Variants in FAM227A observed in about 807,000 individuals in gnomAD.
The protein encoded by FAM227A is family with sequence similarity 227 member A, also known as protein FAM227A.
In FAM227A, 80 loss-of-function variants were observed where a neutral mutation model predicts 74.7. The observed-to-expected ratio is 1.07, with a 90% confidence interval of 0.89 to 1.29. The LOEUF (loss-of-function observed/expected upper bound fraction) is 1.29. Among genes scored for constraint, FAM227A ranks in the 50% most tolerant of loss-of-function variants. FAM227A has a pLI of 0.00. For missense variants in FAM227A, 654 were observed against 683.4 expected (o/e 0.96, Z 0.48); for synonymous variants, 237 against 241.8 (o/e 0.98, Z 0.19).
intron 11 of FAM227A, among the ~76,000 whole-genome samples, chr22:38,609,686 A>G (rs551356486): frequency 6.6e-6 from 1 of 152,298 alleles, no homozygotes; most frequent in African/African-American, 2.4e-5. Context: ...TCCAACAGCT[A>G]CTGGTTTTTA....
At chr22:38,631,167 C>CA (rs891842387) in intron 6 of FAM227A, among the ~76,000 whole-genome samples, 1 of 151,598 alleles carries the variant, frequency 6.6e-6, no homozygotes, top group African/African-American at 2.4e-5. Flanking sequence ...GTGTCTTACT[C>CA]AAAAAAACAA....
chr22:38,643,752 T>C (rs2092166358), intron 3 of FAM227A, among the ~76,000 whole-genome samples: 1 of 152,150 alleles, frequency 6.6e-6, no homozygotes, highest in Non-Finnish European at 1.5e-5. Context: ...GCAACCAAGA[T>C]GTCCCTGAGT....
intron 15 of FAM227A, among the ~76,000 whole-genome samples, chr22:38,595,628 A>G (rs1297942053): frequency 6.6e-6 from 1 of 152,216 alleles, no homozygotes; most frequent in Non-Finnish European, 1.5e-5. Context: ...TTTATTCCTG[A>G]CTAATTAGAA....
At chr22:38,640,326 T>C (rs2092088562) in intron 3 of FAM227A, among the ~76,000 whole-genome samples, 1 of 151,980 alleles carries the variant, frequency 6.6e-6, no homozygotes, top group African/African-American at 2.4e-5. Flanking sequence ...AGCCACCACG[T>C]CCAGCCTCTT....
intron 11 of FAM227A, among the ~76,000 whole-genome samples, chr22:38,613,219 GTA>G (rs1201802390): frequency 1.7e-4 from 8 of 47,492 alleles, no homozygotes; most frequent in African/African-American, 3.5e-4. Flanking sequence ...TATCTATGCT[GTA>G]TATATATTAT....
At chr22:38,645,964 T>C (rs2092228441) in intron 2 of FAM227A, among the ~76,000 whole-genome samples, 2 of 152,006 alleles carry the variant, frequency 1.3e-5, no homozygotes, top group African/African-American at 4.8e-5. Flanking sequence ...TTAAAATTTC[T>C]TGTAGAGATG....
chr22:38,637,509 CTAAT>C (rs1255960139), intron 5 of FAM227A, among the ~76,000 whole-genome samples: 3 of 152,178 alleles, frequency 2.0e-5, no homozygotes, highest in Non-Finnish European at 4.4e-5. Flanking sequence ...AAATAGGAAA[CTAAT>C]TACCGCCACC....
chr22:38,634,619 T>A (rs1038152595), intron 6 of FAM227A, among the ~76,000 whole-genome samples: 1 of 152,216 alleles, frequency 6.6e-6, no homozygotes, highest in African/African-American at 2.4e-5. Context: ...TGTACTGCTT[T>A]CCACTTCCTT....
chr22:38,640,129 G>T (rs2092083318), intron 3 of FAM227A, among the ~76,000 whole-genome samples: 1 of 152,036 alleles, frequency 6.6e-6, no homozygotes. Flanking sequence ...CGCCTCCTGG[G>T]TTCACCCCAT....
intron 15 of FAM227A, among the ~76,000 whole-genome samples, chr22:38,593,363 G>A (rs912164214): frequency 6.6e-6 from 1 of 152,076 alleles, no homozygotes; most frequent in African/African-American, 2.4e-5. Context: ...AAATTAGCCG[G>A]GCATGGTGGC....
intron 6 of FAM227A, among the ~76,000 whole-genome samples, chr22:38,630,790 C>T (rs868641848): frequency 1.3e-5 from 2 of 152,156 alleles, no homozygotes; most frequent in Admixed American, 6.5e-5. Context: ...ATAGGATCCC[C>T]GGGACAAGGC....
Position 38,586,105 on chromosome 22 carries a change from G to A in FAM227A, c.*20C>T, listed in dbSNP as rs367606549. ...TCACGGATTCTGTAGGCGCTTCCTG[G>A]TTCTAGGTTGTGGAGCTCCTCAGGG... On this transcript the variant is annotated 3_prime_UTR_variant, in exon 17 of 17. Transcript: ENST00000535113. The A allele has an allele frequency of 6.4e-4, 997 of 1,552,078 alleles. No homozygotes were observed. The highest frequency in any genetic ancestry group is 7.2e-4 in the Non-Finnish European group (822 of 1,147,078).
At chr22:38,610,421 T>C (rs1305673263) in intron 11 of FAM227A, among the ~76,000 whole-genome samples, 1 of 152,176 alleles carries the variant, frequency 6.6e-6, no homozygotes, top group Non-Finnish European at 1.5e-5. Context: ...GACTAGACCC[T>C]CTTACTTGCT....
intron 14 of FAM227A, 49 bp downstream of exon 14, chr22:38,599,715 A>G: frequency 6.7e-7 from 1 of 1,494,732 alleles, no homozygotes; most frequent in Non-Finnish European, 8.9e-7. Flanking sequence ...TGGGAAGAGG[A>G]CGCGGGGGCC....
intron 10 of FAM227A, among the ~76,000 whole-genome samples, chr22:38,622,641 C>T (rs181289316): frequency 8.6e-4 from 130 of 152,010 alleles, no homozygotes; most frequent in African/African-American, 3.0e-3. Flanking sequence ...TTTGGGAGGC[C>T]GAGGTGGGTA....
chr22:38,639,039 G>T (rs2092059483), intron 4 of FAM227A, among the ~76,000 whole-genome samples: 2 of 152,236 alleles, frequency 1.3e-5, no homozygotes, highest in East Asian at 3.9e-4. Context: ...CTTTAGGTAA[G>T]TTACTCCCCT....
At chr22:38,654,695 C>T (rs2092365674) in intron 1 of FAM227A, among the ~76,000 whole-genome samples, 1 of 150,106 alleles carries the variant, frequency 6.7e-6, no homozygotes, top group Non-Finnish European at 1.5e-5. Context: ...CTTTGGGAGG[C>T]CGAGGCAGGC....
rs1452834942 is a variant in FAM227A, at chr22:38,650,085, A to G, written c.84T>C (p.Leu28=). The stretch of plus-strand genomic sequence containing the variant: ...TCTTCACCATTGTATTCCGTGCGAC[A>G]AGCGAGACAGCCAGGTGCTCATCCA... The part of the protein sequence containing the change: ...IPVDEHLAVS[L]VARNTMVKTV... The change falls in exon 2 of 17, where the codon CTT becomes CTC. Residue 28 remains leucine (L), a synonymous_variant. Coordinates refer to ENST00000535113, the MANE Select transcript of FAM227A (RefSeq NM_001013647.2). 6.4e-7 allele frequency: 1 copy of G among 1,552,010 alleles called. No individual in the cohort carries two copies. Among genetic ancestry groups the G allele is most frequent in the East Asian group, 2.4e-5 (1 of 40,926 alleles).
chr22:38,595,557 A>T (rs2091025952), intron 15 of FAM227A, among the ~76,000 whole-genome samples: 1 of 152,254 alleles, frequency 6.6e-6, no homozygotes, highest in African/African-American at 2.4e-5. Flanking sequence ...GATGAGTGCT[A>T]AAACCACTGT....
Sources: gnomAD v4.1 joint callset for allele counts (sites outside exome capture counted in the v4.1 genomes callset) on GRCh38, gnomAD v4.1.1 for gene constraint, MANE v1.5 for transcripts, NCBI Gene and HGNC (gene_info 2026-07-23, HGNC 2026-07-21) for gene names.